Variants in TRHDE observed in about 807,000 individuals in gnomAD.
The protein encoded by TRHDE is thyrotropin-releasing hormone-degrading ectoenzyme.
TRHDE carries 72 observed loss-of-function variants against 125.7 expected under a neutral mutation model. That is an observed-to-expected ratio of 0.57 (90% CI 0.47 to 0.70). The LOEUF (loss-of-function observed/expected upper bound fraction) is 0.70, where lower values mean the gene tolerates loss of function less well. TRHDE is among the 30% of genes least tolerant of loss of function. The probability of loss-of-function intolerance (pLI) is 0.00; values close to 1 mark genes in which losing one functional copy is unlikely to be tolerated. For missense variants in TRHDE, 1,110 were observed against 1,327.1 expected (o/e 0.84, Z 2.54); for synonymous variants, 509 against 509.1 (o/e 1.00, Z 0.00).
intron 18 of TRHDE, among the ~76,000 whole-genome samples, chr12:72,661,688 C>T (rs992313337): frequency 6.6e-6 from 1 of 152,074 alleles, no homozygotes; most frequent in African/African-American, 2.4e-5. Flanking sequence ...ATATTTCTAT[C>T]CCCATGGCAC....
At chr12:72,283,836 T>C (rs1429107876) in intron 1 of TRHDE, among the ~76,000 whole-genome samples, 1 of 152,030 alleles carries the variant, frequency 6.6e-6, no homozygotes, top group Middle Eastern at 3.2e-3. Context: ...TGTTGAACTG[T>C]TGTAGAACTC....
rs150589017 is a variant in TRHDE at position 72,382,331 on chromosome 12, G to A, written c.1315+4210G>A. ...GTGCTTAAAAGCAAATGGGCATGGGGTTGGGGAGGGGGGGACAGTGACTAG... is the reference window on the plus strand; with the variant it reads ...GTGCTTAAAAGCAAATGGGCATGGGATTGGGGAGGGGGGGACAGTGACTAG... On this transcript the variant is annotated intron_variant, in intron 3 of 18. Coordinates refer to ENST00000261180, the MANE Select transcript of TRHDE (RefSeq NM_013381.3). Among the ~76,000 whole-genome samples, 34 of 152,066 alleles carry A rather than the reference G, an allele frequency of 2.2e-4. No homozygotes were observed. The East Asian group carries it at 4.3e-3, about 19-fold the overall frequency.
chr12:72,332,128 A>T (rs1201362360), intron 2 of TRHDE, among the ~76,000 whole-genome samples: 1 of 144,242 alleles, frequency 6.9e-6, no homozygotes, highest in Non-Finnish European at 1.6e-5. Flanking sequence ...AAGAGAGCCA[A>T]GGGGGAGCTC....
chr12:72,667,018 A>C lies in TRHDE; in HGVS notation c.*3823A>C, dbSNP rs1261625882. The C allele has an allele frequency of 2.6e-5, 4 of 152,014 alleles. No homozygotes were observed. Among genetic ancestry groups the C allele is most frequent in the Non-Finnish European group, 5.9e-5 (4 of 67,928 alleles). 9.4% of individuals were successfully genotyped at this position (152,014 alleles called of 1,614,324 possible). ...GTCAGAATGCAGATAAATTGTGTGC[A>C]TCTCAATCAGTAAAAATAATATTCA... On this transcript the variant is annotated 3_prime_UTR_variant, in exon 19 of 19. Coordinates refer to ENST00000261180, the MANE Select transcript of TRHDE (RefSeq NM_013381.3).
At chr12:72,323,507 C>G (rs780044070) in intron 2 of TRHDE, among the ~76,000 whole-genome samples, 3 of 152,222 alleles carry the variant, frequency 2.0e-5, no homozygotes, top group Non-Finnish European at 4.4e-5. Flanking sequence ...GTGGTCATGC[C>G]TCTGAAGGGG....
intron 2 of TRHDE, among the ~76,000 whole-genome samples, chr12:72,187,956 A>G (rs1047662919): frequency 1.3e-5 from 2 of 152,262 alleles, no homozygotes; most frequent in Non-Finnish European, 2.9e-5. Context: ...CATTAAACCA[A>G]GGAAGTAATA....
chr12:72,426,741 T>A (rs939821780), intron 3 of TRHDE, among the ~76,000 whole-genome samples: 1 of 152,002 alleles, frequency 6.6e-6, no homozygotes, highest in South Asian at 2.1e-4. Context: ...CCAGTTCTTA[T>A]GTAATTTACA....
intron 1 of TRHDE, among the ~76,000 whole-genome samples, chr12:72,096,134 TACACACACACACACAC>T (rs144560604): frequency 2.1e-5 from 3 of 145,100 alleles, no homozygotes; most frequent in Non-Finnish European, 3.0e-5. Context: ...CTTATGTGTA[TACACACACACACACAC>T]ACACACACAC....
intron 2 of TRHDE, among the ~76,000 whole-genome samples, chr12:72,130,216 T>C (rs1213505818): frequency 2.0e-5 from 3 of 152,074 alleles, no homozygotes; most frequent in South Asian, 2.1e-4. Context: ...TGAGGTAGAA[T>C]TGCTTGAACC....
intron 2 of TRHDE, among the ~76,000 whole-genome samples, chr12:72,132,362 C>T (rs765787704): frequency 6.6e-6 from 1 of 152,200 alleles, no homozygotes; most frequent in Non-Finnish European, 1.5e-5. Flanking sequence ...CTGGCATTCT[C>T]ATTCTTTCAG....
At chr12:72,339,906 G>A (rs1332888102) in intron 2 of TRHDE, among the ~76,000 whole-genome samples, 1 of 152,118 alleles carries the variant, frequency 6.6e-6, no homozygotes, top group Non-Finnish European at 1.5e-5. Flanking sequence ...GAAGGGGTAA[G>A]GGCAAAATAA....
chr12:72,206,168 C>T (rs776473573), intron 2 of TRHDE, among the ~76,000 whole-genome samples: 3 of 150,218 alleles, frequency 2.0e-5, no homozygotes, highest in East Asian at 2.0e-4. Context: ...CTCACTGCAA[C>T]GTCCGCCTCC....
chr12:72,378,100 C>T lies in TRHDE; in HGVS notation c.1294C>T (p.Pro432Ser). ...ATTTTATGAAGACTACTTTAAAGTGCCCTATTCCTTGCCAAAACTAGGTAA... is the reference window on the plus strand; with the variant it reads ...ATTTTATGAAGACTACTTTAAAGTGTCCTATTCCTTGCCAAAACTAGGTAA... ...IEFYEDYFKVPYSLPKLDLLA... is the reference protein window; with the variant it reads ...IEFYEDYFKVSYSLPKLDLLA... The change falls in exon 3 of 19, where the codon CCC becomes TCC. Residue 432 changes from proline (P) to serine (S), a missense_variant. Pro to Ser is a moderately conservative substitution (Grantham distance 74). This residue lies in a region of TRHDE where 252 missense variants were observed against 274.8 expected (regional missense o/e 0.92). Transcript: ENST00000261180. 1 of 1,581,582 alleles carries T rather than the reference C, an allele frequency of 6.3e-7. No individual in the cohort carries two copies. The highest frequency in any genetic ancestry group is 1.4e-5 in the African/African-American group (1 of 73,212).
chr12:72,203,361 G>T (rs1428789326), intron 2 of TRHDE, among the ~76,000 whole-genome samples: 2 of 152,174 alleles, frequency 1.3e-5, no homozygotes, highest in East Asian at 3.9e-4. Flanking sequence ...CCAGCTACTC[G>T]GTTGGCTGAG....
chr12:72,621,334 C>A, intron 14 of TRHDE, 129 bp downstream of exon 14: 1 of 674,976 alleles, frequency 1.5e-6, no homozygotes, highest in Non-Finnish European at 2.6e-6. Context: ...TTCACTTTCC[C>A]GAGAGGACTG....
At chr12:72,578,689 A>G (rs866871163) in intron 12 of TRHDE, among the ~76,000 whole-genome samples, 2 of 152,208 alleles carry the variant, frequency 1.3e-5, no homozygotes, top group Middle Eastern at 6.8e-3. Flanking sequence ...GCCCGTGTAT[A>G]TTTGTTACTT....
chr12:72,506,473 T>C (rs1345541211), intron 6 of TRHDE, among the ~76,000 whole-genome samples: 2 of 152,206 alleles, frequency 1.3e-5, no homozygotes, highest in Non-Finnish European at 1.5e-5. Flanking sequence ...TGAAATGTTT[T>C]GCATGTATTA....
At chr12:72,655,440 T>G (rs12582138) in intron 17 of TRHDE, among the ~76,000 whole-genome samples, 22,049 of 152,080 alleles carry the variant, frequency 0.14, 2,181 homozygotes, top group East Asian at 0.54. Context: ...ACGTCTCTTT[T>G]TCTTTGTTTA....
intron 15 of TRHDE, among the ~76,000 whole-genome samples, chr12:72,634,048 A>C (rs1208758042): frequency 6.6e-6 from 1 of 152,140 alleles, no homozygotes; most frequent in African/African-American, 2.4e-5. Context: ...GTGGAGATAA[A>C]GCCCCTGCCA....
Sources: allele counts gnomAD v4.1 joint callset (sites outside exome capture counted in the v4.1 genomes callset), GRCh38; gene constraint gnomAD v4.1.1; regional missense constraint gnomAD v4.1.1; transcripts MANE v1.5; gene names NCBI Gene and HGNC (gene_info 2026-07-23, HGNC 2026-07-21).